Variants in GLDC observed in about 807,000 individuals in gnomAD.
GLDC encodes the protein glycine decarboxylase.
A neutral mutation model predicts 121.3 loss-of-function variants in GLDC; 104 were observed. That is an observed-to-expected ratio of 0.86 (90% confidence interval 0.73 to 1.01). The LOEUF (loss-of-function observed/expected upper bound fraction) is 1.01, where lower values mean the gene tolerates loss of function less well. Among genes scored for constraint, GLDC ranks in the 50% least tolerant of loss-of-function variants. GLDC has a pLI of 0.00. For missense variants in GLDC, 1,429 were observed against 1,306.6 expected (o/e 1.09, Z -1.44); for synonymous variants, 546 against 480.6 (o/e 1.14, Z -1.78).
intron 6 of GLDC, 51 bp downstream of exon 6, chr9:6,605,080 T>A: frequency 4.6e-6 from 7 of 1,508,774 alleles, no homozygotes; most frequent in Non-Finnish European, 4.6e-6. Context: ...GGTAGACAGA[T>A]ACAAGTTGGG....
chr9:6,563,220 G>C (rs982441837), intron 16 of GLDC, among the ~76,000 whole-genome samples: 5 of 152,212 alleles, frequency 3.3e-5, no homozygotes, highest in Non-Finnish European at 2.9e-5. Context: ...TTCCAGTTTG[G>C]TCCCCAGCTG....
At chr9:6,595,207 A>C in intron 8 of GLDC, 88 bp from the exon 9 acceptor site, 1 of 875,082 alleles carries the variant, frequency 1.1e-6, no homozygotes, top group Non-Finnish European at 2.0e-6. Context: ...TCAAAACTGA[A>C]GACAGCGACA....
At chr9:6,568,468 G>T (rs1264412696) in intron 15 of GLDC, among the ~76,000 whole-genome samples, 2 of 152,202 alleles carry the variant, frequency 1.3e-5, no homozygotes, top group East Asian at 3.8e-4. Flanking sequence ...GTAGTGAATG[G>T]TCTGGAGCTG....
In GLDC at chr9:6,532,887, G is replaced by C. The variant is rs1281731551; in HGVS notation, c.*130C>G. The stretch of plus-strand genomic sequence containing the variant: ...TACTGTATTTACATTTACCTTGACA[G>C]AGATTACAGAGATATACACAGTATA... On this transcript the variant is annotated 3_prime_UTR_variant, in exon 25 of 25. Coordinates refer to ENST00000321612, the MANE Select transcript of GLDC (RefSeq NM_000170.3). 1 of 764,256 alleles carries C rather than the reference G, an allele frequency of 1.3e-6. No individual in the cohort carries two copies. The highest frequency in any genetic ancestry group is 1.7e-5 in the African/African-American group (1 of 58,408). The allele number at this position is 764,256 out of a possible 1,614,324, so 47.3% of individuals were successfully genotyped here.
At chr9:6,608,198 G>C (rs1162535203) in intron 4 of GLDC, among the ~76,000 whole-genome samples, 10 of 151,736 alleles carry the variant, frequency 6.6e-5, no homozygotes, top group Admixed American at 5.9e-4. Flanking sequence ...CAGATCACGA[G>C]GTCAGGAGAT....
intron 19 of GLDC, among the ~76,000 whole-genome samples, chr9:6,554,268 T>C (rs1817571800): frequency 6.6e-6 from 1 of 152,106 alleles, no homozygotes; most frequent in Admixed American, 6.5e-5. Flanking sequence ...TTACATCTAA[T>C]TCACTTTCAA....
intron 10 of GLDC, 62 bp downstream of exon 10, chr9:6,592,789 T>C: frequency 1.3e-6 from 2 of 1,486,574 alleles, no homozygotes; most frequent in East Asian, 4.5e-5. Context: ...AGAGAAAACC[T>C]TTTAATGAGA....
intron 12 of GLDC, 92 bp from the exon 13 acceptor site, chr9:6,588,794 T>G (rs1351917713): frequency 1.2e-6 from 1 of 830,068 alleles, no homozygotes; most frequent in Non-Finnish European, 2.1e-6. Flanking sequence ...GAAATCTACT[T>G]TCAAAATGCA....
intron 2 of GLDC, among the ~76,000 whole-genome samples, chr9:6,627,556 G>T (rs761584157): frequency 6.6e-6 from 1 of 151,962 alleles, no homozygotes; most frequent in Non-Finnish European, 1.5e-5. Context: ...ACCTTCTGTT[G>T]AGAACAAAGT....
intron 8 of GLDC, among the ~76,000 whole-genome samples, chr9:6,600,940 C>T (rs544526516): frequency 3.3e-5 from 5 of 152,184 alleles, no homozygotes; most frequent in South Asian, 4.2e-4. Flanking sequence ...TTTGGGAGGC[C>T]GAGGTGGGTG....
chr9:6,614,438 G>A (rs1818928307), intron 3 of GLDC, among the ~76,000 whole-genome samples: 1 of 151,788 alleles, frequency 6.6e-6, no homozygotes, highest in African/African-American at 2.4e-5. Context: ...GTTTCACCAT[G>A]TTGGCCAGGC....
chr9:6,631,955 C>T (rs191603947), intron 2 of GLDC, among the ~76,000 whole-genome samples: 1 of 152,200 alleles, frequency 6.6e-6, no homozygotes, highest in East Asian at 1.9e-4. Context: ...AGTCCAGATA[C>T]TCAGGAAGCT....
rs761202825 is a variant in GLDC at position 6,604,802 on chromosome 9, G to A, written c.862-18C>T. ...GCCAGGCTCTAGAAAGGAAGTGAGA[G>A]AAAAGGAACAAGGTTGCTACCTTTC... On this transcript the variant is annotated intron_variant, in intron 6 of 24. Transcript: ENST00000321612. 78 of 1,605,316 alleles carry A rather than the reference G, an allele frequency of 4.9e-5. No homozygotes were observed. Among genetic ancestry groups the A allele is most frequent in the Non-Finnish European group, 1.6e-5 (19 of 1,172,090 alleles).
intron 22 of GLDC, 54 bp from the exon 23 acceptor site, chr9:6,536,290 T>C (rs1817129742): frequency 6.7e-7 from 1 of 1,489,890 alleles, no homozygotes; most frequent in African/African-American, 1.4e-5. Flanking sequence ...GCCTACCCAG[T>C]TTGGAAGAAA....
intron 2 of GLDC, among the ~76,000 whole-genome samples, chr9:6,640,384 G>A (rs1449753665): frequency 7.9e-5 from 12 of 152,232 alleles, no homozygotes; most frequent in Non-Finnish European, 1.6e-4. Context: ...AAGACAAGTC[G>A]TGGCCTCGGC....
intron 15 of GLDC, among the ~76,000 whole-genome samples, chr9:6,579,197 T>C (rs1195798561): frequency 6.6e-6 from 1 of 152,206 alleles, no homozygotes; most frequent in Admixed American, 6.5e-5. Flanking sequence ...ATCTTTCAAA[T>C]AATCAGTTTT....
intron 3 of GLDC, 36 bp downstream of exon 3, chr9:6,620,146 TCA>T (rs1158917472): frequency 4.4e-6 from 7 of 1,603,112 alleles, no homozygotes; most frequent in Non-Finnish European, 6.0e-6. Context: ...ATTATGCAAA[TCA>T]CAGTCATCCT....
At chr9:6,550,733 C>T (rs1817494822) in intron 21 of GLDC, 70 bp downstream of exon 21, 8 of 890,776 alleles carry the variant, frequency 9.0e-6, no homozygotes, top group Admixed American at 1.7e-5. Context: ...GTCAGAAAAG[C>T]GCATCTAGGT....
chr9:6,552,952 A>T (rs755318081), intron 20 of GLDC, among the ~76,000 whole-genome samples: 1 of 149,488 alleles, frequency 6.7e-6, no homozygotes. Flanking sequence ...AATATATAGC[A>T]AAGTGAGATA....
Sources: gnomAD v4.1 joint callset for allele counts (sites outside exome capture counted in the v4.1 genomes callset) on GRCh38, gnomAD v4.1.1 for gene constraint, MANE v1.5 for transcripts, NCBI Gene and HGNC (gene_info 2026-07-23, HGNC 2026-07-21) for gene names.